Variants in DLC1 observed in about 807,000 individuals in gnomAD.
DLC1 encodes the protein DLC1 Rho GTPase activating protein.
In DLC1, 54 loss-of-function variants were observed where a neutral mutation model predicts 140.3. That is an observed-to-expected ratio of 0.38 (90% CI 0.31 to 0.48). The LOEUF is 0.48. DLC1 is among the 20% of genes least tolerant of loss of function. DLC1 has a pLI of 0.96. For missense variants in DLC1, 2,536 were observed against 1,907.0 expected (o/e 1.33, Z -6.14); for synonymous variants, 986 against 728.1 (o/e 1.35, Z -5.70).
intron 5 of DLC1, among the ~76,000 whole-genome samples, chr8:13,241,728 G>A (rs137985144): frequency 6.6e-6 from 1 of 152,276 alleles, no homozygotes; most frequent in East Asian, 1.9e-4. Flanking sequence ...CCCAGTTGGA[G>A]AGGTATTCTT....
chr8:13,382,065 C>T (rs951738307), intron 4 of DLC1, among the ~76,000 whole-genome samples: 3 of 151,976 alleles, frequency 2.0e-5, no homozygotes, highest in African/African-American at 7.3e-5. Flanking sequence ...AAAAGGGAAT[C>T]CTTCTTATTT....
intron 1 of DLC1, among the ~76,000 whole-genome samples, chr8:13,535,766 T>C (rs1393363213): frequency 2.0e-5 from 3 of 151,918 alleles, no homozygotes; most frequent in Admixed American, 1.3e-4. Flanking sequence ...CATTATGCTG[T>C]ATTTTGAAGT....
At position 13,085,707 on chromosome 8, in the gene DLC1, T is replaced by C. The variant is rs1817494836; in HGVS notation, c.*104A>G. The stretch of plus-strand genomic sequence containing the variant: ...TCAATTCCTACACTCCAGCTTGTAG[T>C]TTTCTTTGTTTCAGGATTAGACACA... On this transcript the variant is annotated 3_prime_UTR_variant, in exon 18 of 18. Coordinates refer to ENST00000276297, the MANE Select transcript of DLC1 (RefSeq NM_182643.3). 2.6e-6 allele frequency: 4 copies of C among 1,525,630 alleles called. No individual in the cohort carries two copies. The African/African-American group carries it at 4.2e-5, about 16-fold the overall frequency. 94.5% of individuals were successfully genotyped at this position (1,525,630 alleles called of 1,614,324 possible).
At chr8:13,114,017 G>GT (rs1364131254) in intron 6 of DLC1, among the ~76,000 whole-genome samples, 3 of 152,196 alleles carry the variant, frequency 2.0e-5, no homozygotes, top group African/African-American at 7.2e-5. Context: ...GTTCATAGCT[G>GT]TAATTATTTT....
At chr8:13,426,173 T>A (rs1195333460) in intron 2 of DLC1, among the ~76,000 whole-genome samples, 1 of 151,642 alleles carries the variant, frequency 6.6e-6, no homozygotes, top group East Asian at 2.0e-4. Context: ...ATTGAAAAGA[T>A]GTCCATGCTT....
chr8:13,324,440 C>T (rs10104769), intron 4 of DLC1, among the ~76,000 whole-genome samples: 71,577 of 151,496 alleles, frequency 0.47, 17,424 homozygotes, highest in East Asian at 0.81. Flanking sequence ...TGGTGGCGGG[C>T]GCCTGTAGTC....
rs1165990889 is a variant in DLC1, at chr8:13,499,542, T to C, written c.530A>G (p.Glu177Gly). 1 of 1,614,194 alleles carries C rather than the reference T, an allele frequency of 6.2e-7. No homozygotes were observed. ...GTCAGTAACTTTTCTCTCCCCACTT[T>C]CTTTTACCAGTGCTAATTCAGTTTC... ...AGETELALVK[E>G]SGERKVTDSI... The change falls in exon 2 of 18, where the codon GAA (glutamate) becomes GGA (glycine). Residue 177 changes from glutamate to glycine, a missense_variant. By Grantham distance (98) the Glu-to-Gly change is moderately conservative. Transcript: ENST00000276297.
intron 1 of DLC1, among the ~76,000 whole-genome samples, chr8:13,557,360 A>G (rs573087102): frequency 1.3e-5 from 2 of 152,288 alleles, no homozygotes; most frequent in South Asian, 4.1e-4. Flanking sequence ...AGTCTGGGTA[A>G]TTATTTGGAA....
chr8:13,559,743 A>C (rs530369984), intron 1 of DLC1, among the ~76,000 whole-genome samples: 1 of 152,232 alleles, frequency 6.6e-6, no homozygotes. Flanking sequence ...ACCCAAGGAA[A>C]ACACAAAAGT....
chr8:13,248,669 G>C (rs1044348246), intron 5 of DLC1, among the ~76,000 whole-genome samples: 1 of 152,108 alleles, frequency 6.6e-6, no homozygotes, highest in African/African-American at 2.4e-5. Context: ...CCCCTGGGGT[G>C]CTTCCTTCAG....
In DLC1 at chr8:13,320,605, G is replaced by A. The variant is rs185543911; in HGVS notation, c.1315-15303C>T. On this transcript the variant is annotated intron_variant, in intron 4 of 17. Coordinates refer to ENST00000276297, the MANE Select transcript of DLC1 (RefSeq NM_182643.3). ...ATTTGATCCCCGATGTTGGAGGTGG[G>A]GTCTCATGGGAGGTGTTTGGGTCAT... is the stretch of plus-strand genomic sequence containing the variant. 7.0e-3 allele frequency among the ~76,000 whole-genome samples: 1,059 copies of A among 152,198 alleles called. 8 individuals carry two copies. The highest frequency in any genetic ancestry group is 0.012 in the Non-Finnish European group (789 of 68,018).
intron 1 of DLC1, among the ~76,000 whole-genome samples, chr8:13,506,581 GTATATATATATA>G (rs36209609): frequency 3.8e-5 from 5 of 131,134 alleles, no homozygotes; most frequent in Admixed American, 1.6e-4. Context: ...GTGTGTGTGT[GTATATATATATA>G]TATATATATA....
intron 5 of DLC1, among the ~76,000 whole-genome samples, chr8:13,159,244 G>C (rs192393323): frequency 1.2e-4 from 19 of 152,212 alleles, no homozygotes; most frequent in Admixed American, 1.2e-3. Flanking sequence ...CTAAAGCTTT[G>C]GGTTCCCAGT....
chr8:13,325,449 T>TACACACACACACAC (rs1554497506), intron 4 of DLC1, among the ~76,000 whole-genome samples: 605 of 38,252 alleles, frequency 0.016, 3 homozygotes, highest in African/African-American at 0.035. Flanking sequence ...TAGTTCTGTA[T>TACACACACACACAC]ACACACACAC....
At chr8:13,410,494 G>T (rs748693870) in intron 2 of DLC1, among the ~76,000 whole-genome samples, 1 of 151,814 alleles carries the variant, frequency 6.6e-6, no homozygotes, top group African/African-American at 2.4e-5. Flanking sequence ...ACAAATCAAA[G>T]AATTTGGCTT....
chr8:13,348,696 T>C (rs1834489450), intron 4 of DLC1, among the ~76,000 whole-genome samples: 2 of 151,916 alleles, frequency 1.3e-5, no homozygotes, highest in South Asian at 2.1e-4. Flanking sequence ...AAACACATTA[T>C]AGTGAAGAAG....
intron 5 of DLC1, among the ~76,000 whole-genome samples, chr8:13,197,192 G>A (rs573252990): frequency 7.2e-5 from 11 of 152,116 alleles, no homozygotes; most frequent in Admixed American, 3.9e-4. Flanking sequence ...TCAAAATTTC[G>A]GAAATGTTCA....
chr8:13,229,934 C>G (rs994738308), intron 5 of DLC1, among the ~76,000 whole-genome samples: 2 of 152,152 alleles, frequency 1.3e-5, no homozygotes, highest in African/African-American at 4.8e-5. Flanking sequence ...TCTAATGGCC[C>G]AAAGCTTTGA....
chr8:13,324,519 A>T (rs117314636), intron 4 of DLC1, among the ~76,000 whole-genome samples: 20,290 of 144,382 alleles, frequency 0.14, 1,862 homozygotes, highest in East Asian at 0.4. Flanking sequence ...GTGAGCCCAG[A>T]TCGCGCCACT....
Sources: allele counts gnomAD v4.1 joint callset (sites outside exome capture counted in the v4.1 genomes callset), GRCh38; gene constraint gnomAD v4.1.1; transcripts MANE v1.5; gene names NCBI Gene and HGNC (gene_info 2026-07-23, HGNC 2026-07-21).